The following BABAM2 variants were observed in gnomAD, a reference collection of about 807,000 sequenced individuals.
BABAM2 encodes the protein BRISC and BRCA1-A complex member 2.
Under a neutral mutation model 54.7 loss-of-function variants are expected in BABAM2, and 31 were observed. The ratio of observed to expected loss-of-function variants is 0.57; its 90% confidence interval spans 0.43 to 0.77. The LOEUF (loss-of-function observed/expected upper bound fraction) is 0.77. BABAM2 is among the 30% of genes least tolerant of loss of function. The probability of loss-of-function intolerance (pLI) is 0.00; values close to 1 mark genes in which losing one functional copy is unlikely to be tolerated. For synonymous variants in BABAM2, 167 were observed against 162.9 expected, an observed-to-expected ratio of 1.03 and a Z score of -0.19; for missense variants, 364 against 455.8, an observed-to-expected ratio of 0.80 and a Z score of 1.83.
chr2:28,023,264 A>G (rs995242586), intron 4 of BABAM2, among the ~76,000 whole-genome samples: 3 of 152,220 alleles, frequency 2.0e-5, no homozygotes, highest in Non-Finnish European at 4.4e-5. Flanking sequence ...AGGAGAAATG[A>G]CAGAATTTAA....
At chr2:28,108,105 T>G (rs1271837321) in intron 6 of BABAM2, among the ~76,000 whole-genome samples, 1 of 152,208 alleles carries the variant, frequency 6.6e-6, no homozygotes, top group Non-Finnish European at 1.5e-5. Flanking sequence ...TTATGTTTGT[T>G]TATTTTTTAA....
At chr2:27,911,282 T>A (rs1666576578) in intron 2 of BABAM2, among the ~76,000 whole-genome samples, 2 of 152,226 alleles carry the variant, frequency 1.3e-5, no homozygotes, top group Non-Finnish European at 2.9e-5. Flanking sequence ...TTCTATTACA[T>A]GTCTTTTTGC....
At chr2:27,953,472 C>T (rs527781568) in intron 3 of BABAM2, among the ~76,000 whole-genome samples, 8 of 152,036 alleles carry the variant, frequency 5.3e-5, no homozygotes, top group South Asian at 2.1e-4. Context: ...CATGAACCAC[C>T]GTAGTGACAG....
At chr2:28,162,247 A>G (rs1279452256) in intron 7 of BABAM2, among the ~76,000 whole-genome samples, 3 of 152,216 alleles carry the variant, frequency 2.0e-5, no homozygotes, top group Non-Finnish European at 2.9e-5. Flanking sequence ...CATACCTCAC[A>G]CCGGGACAGT....
At chr2:28,027,837 A>G (rs1323291528) in intron 5 of BABAM2, among the ~76,000 whole-genome samples, 1 of 152,170 alleles carries the variant, frequency 6.6e-6, no homozygotes, top group Non-Finnish European at 1.5e-5. Flanking sequence ...ATTTTTTTAA[A>G]AAAGACTTGC....
intron 3 of BABAM2, among the ~76,000 whole-genome samples, chr2:27,979,977 A>C (rs1671886013): frequency 6.6e-6 from 1 of 152,164 alleles, no homozygotes; most frequent in South Asian, 2.1e-4. Flanking sequence ...TGTAAATAAA[A>C]TCTACTTTGT....
intron 3 of BABAM2, among the ~76,000 whole-genome samples, chr2:27,959,518 A>G (rs1329417790): frequency 1.3e-5 from 2 of 151,524 alleles, no homozygotes; most frequent in East Asian, 1.9e-4. Flanking sequence ...TCTCTGTCAC[A>G]TGCTTCTATT....
chr2:28,250,831 CCT>C (rs1462931999), intron 10 of BABAM2, among the ~76,000 whole-genome samples: 1 of 152,096 alleles, frequency 6.6e-6, no homozygotes, highest in African/African-American at 2.4e-5. Flanking sequence ...GATCTCCTGA[CCT>C]CGTGATCTAC....
chr2:28,196,760 G>A (rs375907943), intron 7 of BABAM2, among the ~76,000 whole-genome samples: 2 of 149,992 alleles, frequency 1.3e-5, no homozygotes, highest in East Asian at 4.0e-4. Context: ...GAGGTAGAAG[G>A]ATTGCTGGAG....
intron 10 of BABAM2, among the ~76,000 whole-genome samples, chr2:28,256,206 A>T (rs1369652567): frequency 6.6e-6 from 1 of 152,228 alleles, no homozygotes; most frequent in Non-Finnish European, 1.5e-5. Flanking sequence ...CACATTAAAT[A>T]GTAATATCCA....
chr2:28,185,942 G>C (rs1676234497), intron 7 of BABAM2, among the ~76,000 whole-genome samples: 1 of 152,034 alleles, frequency 6.6e-6, no homozygotes, highest in South Asian at 2.1e-4. Context: ...TGAAAGAGTT[G>C]ATCTTACCTG....
At chr2:27,911,772 A>G (rs1666622407) in intron 2 of BABAM2, among the ~76,000 whole-genome samples, 2 of 152,186 alleles carry the variant, frequency 1.3e-5, no homozygotes, top group South Asian at 4.1e-4. Context: ...TAGACTCTTC[A>G]TAACTGTTCT....
chr2:27,890,195 G>A, upstream of BABAM2: 1 of 1,510,880 alleles, frequency 6.6e-7, no homozygotes, highest in Non-Finnish European at 9.1e-7. The surrounding 1 kb of genome is among the most constrained non-coding windows in gnomAD (Gnocchi z 4.8). Flanking sequence ...TCCACTGGGC[G>A]CATAGCGCAC....
At chr2:27,891,585 GA>G (rs879575936) in intron 1 of BABAM2, among the ~76,000 whole-genome samples, 2 of 152,126 alleles carry the variant, frequency 1.3e-5, no homozygotes, top group African/African-American at 2.4e-5. Context: ...CCATGCGTAA[GA>G]GTTACTACCG....
At chr2:28,314,161 A>T (rs541465068) in intron 11 of BABAM2, among the ~76,000 whole-genome samples, 6 of 152,332 alleles carry the variant, frequency 3.9e-5, no homozygotes, top group Admixed American at 3.9e-4. Context: ...AGAATTGTAA[A>T]ATGTATTGAA....
chr2:27,893,261 C>T (rs1665010897), intron 1 of BABAM2, among the ~76,000 whole-genome samples: 1 of 152,140 alleles, frequency 6.6e-6, no homozygotes, highest in South Asian at 2.1e-4. Context: ...TACTCCCTCC[C>T]CCAGCCCTAT....
At chr2:28,225,179 G>A (rs1465551674) in intron 7 of BABAM2, among the ~76,000 whole-genome samples, 1 of 152,204 alleles carries the variant, frequency 6.6e-6, no homozygotes, top group Non-Finnish European at 1.5e-5. Flanking sequence ...CGGGCTGATC[G>A]CAGTAGAGAC....
chr2:28,056,447 T>A (rs1325201418), intron 6 of BABAM2, among the ~76,000 whole-genome samples: 2 of 152,210 alleles, frequency 1.3e-5, no homozygotes, highest in Non-Finnish European at 2.9e-5. Flanking sequence ...TGGCTTTCTT[T>A]TGTTGTTTTA....
At chr2:27,979,797 T>G (rs1671875159) in intron 3 of BABAM2, among the ~76,000 whole-genome samples, 1 of 152,318 alleles carries the variant, frequency 6.6e-6, no homozygotes. Context: ...GACAAAATAG[T>G]ATGATAATAT....
Sources: gnomAD v4.1 joint callset for allele counts (sites outside exome capture counted in the v4.1 genomes callset) on GRCh38, gnomAD v4.1.1 for gene constraint, Gnocchi (gnomAD v3.1) non-coding constraint, MANE v1.5 for transcripts, NCBI Gene and HGNC (gene_info 2026-07-23, HGNC 2026-07-21) for gene names.